Variants in CACNA1I observed in about 807,000 individuals in gnomAD.
CACNA1I encodes calcium voltage-gated channel subunit alpha1 I.
Under a neutral mutation model 201.6 loss-of-function variants are expected in CACNA1I, and 74 were observed. The ratio of observed to expected loss-of-function variants is 0.37; its 90% CI spans 0.30 to 0.45. The LOEUF (loss-of-function observed/expected upper bound fraction) is 0.45. Among genes scored for constraint, CACNA1I ranks in the 20% least tolerant of loss-of-function variants. The pLI, the probability that CACNA1I is intolerant of heterozygous loss-of-function variation, is 1.00. For synonymous variants in CACNA1I, 1,431 were observed against 1,345.2 expected (o/e 1.06, Z -1.40); for missense variants, 2,346 against 3,138.1 (o/e 0.75, Z 6.03).
chr22:39,677,437 C>T lies in CACNA1I; in HGVS notation c.4933+18C>T, dbSNP rs1569097941. The T allele has an allele frequency of 1.3e-6, 2 of 1,524,356 alleles. No individual in the cohort carries two copies. Among genetic ancestry groups the T allele is most frequent in the Non-Finnish European group, 1.8e-6 (2 of 1,131,874 alleles). 94.4% of individuals were successfully genotyped at this position (1,524,356 alleles called of 1,614,324 possible). On this transcript the variant is annotated intron_variant, in intron 30 of 36. Transcript: ENST00000402142. This position sits in a 1 kb window ranked among gnomAD's most constrained non-coding sequence, Gnocchi z 4.8. The stretch of plus-strand genomic sequence containing the variant: ...GAAGCTGGGTGAGTGACTCCCAGAG[C>T]AGGCCCGTGGTGGGGGTGCAGCAGG...
intron 26 of CACNA1I, among the ~76,000 whole-genome samples, chr22:39,671,160 C>T (rs565439573): frequency 2.0e-3 from 301 of 152,224 alleles, no homozygotes; most frequent in Non-Finnish European, 3.3e-3. Flanking sequence ...TGGAAGGGAA[C>T]GGTCAGAGGG....
intron 1 of CACNA1I, among the ~76,000 whole-genome samples, chr22:39,581,157 G>A (rs1420571978): frequency 1.3e-5 from 2 of 152,174 alleles, no homozygotes; most frequent in Non-Finnish European, 2.9e-5. Context: ...GATGCCACAG[G>A]AGCCTCCTCC....
chr22:39,590,092 C>G (rs1932804517), intron 1 of CACNA1I, among the ~76,000 whole-genome samples: 1 of 152,154 alleles, frequency 6.6e-6, no homozygotes, highest in Non-Finnish European at 1.5e-5. Flanking sequence ...GGAGAGGAGG[C>G]TGCCCTGCAG....
rs753997754 is a variant in CACNA1I at position 39,649,682 on chromosome 22, T to G, written c.1749T>G (p.Ala583=). 1.3e-6 allele frequency: 2 copies of G among 1,514,924 alleles called. No homozygotes were observed. Among genetic ancestry groups the G allele is most frequent in the South Asian group, 2.6e-5 (2 of 77,456 alleles). 93.8% of individuals were successfully genotyped at this position (1,514,924 alleles called of 1,614,324 possible). A position where few individuals can be genotyped will look rare whatever the true frequency, so the allele number is the denominator to read the frequency against. The change falls in exon 10 of 37, where the codon GCT becomes GCG. Residue 583 remains alanine, a synonymous_variant. Coordinates refer to ENST00000402142, the MANE Select transcript of CACNA1I (RefSeq NM_021096.4). The surrounding 1 kb of genome is among the most constrained non-coding windows in gnomAD (Gnocchi z 7.3). ...GQEGSGSGSS[A]GGEDEADGDG... Reference sequence around the variant, plus strand: ...AGGGCTCGGGCTCCGGGAGCTCCGCTGGTGGCGAGGACGAGGCGGATGGGG... The same window carrying G: ...AGGGCTCGGGCTCCGGGAGCTCCGCGGGTGGCGAGGACGAGGCGGATGGGG...
In CACNA1I at chr22:39,648,854, C is replaced by T. The variant is rs928613526; in HGVS notation, c.1568-647C>T. ...CCAGGCGTCTCCTGTGATTCCGGGG[C>T]AGCAAAGGGATGAAGTTCCCTCTTC... On this transcript the variant is annotated intron_variant, in intron 9 of 36. Coordinates refer to ENST00000402142, the MANE Select transcript of CACNA1I (RefSeq NM_021096.4). The surrounding 1 kb of genome is among the most constrained non-coding windows in gnomAD (Gnocchi z 5.4). Among the ~76,000 whole-genome samples, 3 of 152,070 alleles carry T rather than the reference C, an allele frequency of 2.0e-5. No homozygotes were observed. Among genetic ancestry groups the T allele is most frequent in the African/African-American group, 4.8e-5 (2 of 41,396 alleles).
At position 39,664,943 on chromosome 22, in the gene CACNA1I, G is replaced by A. The variant is rs374144412; in HGVS notation, c.3851+20G>A. On this transcript the variant is annotated intron_variant, in intron 21 of 36. Transcript: ENST00000402142. Reference sequence around the variant, plus strand: ...CCTGCGGTGAGGACCCCTCCTGGGCGGATGGGGGAAAGTGTCATGCACTGT... The same window carrying A: ...CCTGCGGTGAGGACCCCTCCTGGGCAGATGGGGGAAAGTGTCATGCACTGT... The A allele has an allele frequency of 7.4e-5, 119 of 1,607,234 alleles. No homozygotes were observed. Among genetic ancestry groups the A allele is most frequent in the Non-Finnish European group, 9.2e-5 (109 of 1,178,880 alleles).
chr22:39,619,259 G>A (rs1463326983), intron 3 of CACNA1I, 51 bp from the exon 4 acceptor site: 1 of 1,429,578 alleles, frequency 7.0e-7, no homozygotes, highest in Non-Finnish European at 9.8e-7. Context: ...CCGGGCCCTG[G>A]CCCCAGCTGG....
chr22:39,664,168 CG>C lies in CACNA1I; in HGVS notation c.3666+11del, dbSNP rs772813769. On this transcript the variant is annotated intron_variant, in intron 20 of 36. Transcript: ENST00000402142. The stretch of plus-strand genomic sequence containing the variant: ...GCGAGATGACATTGAAGGTAGCTCC[CG>C]GTTTCACCCGGGACCCCTGCTAGCC... 8.3e-5 allele frequency: 134 copies of C among 1,609,776 alleles called. No homozygotes were observed. Among genetic ancestry groups the C allele is most frequent in the Admixed American group, 1.5e-4 (9 of 59,618 alleles).
chr22:39,618,069 G>T (rs963939992), intron 3 of CACNA1I, among the ~76,000 whole-genome samples: 1 of 151,796 alleles, frequency 6.6e-6, no homozygotes, highest in African/African-American at 2.4e-5. Flanking sequence ...GTGTATGCGG[G>T]TGTGTGGTTG....
chr22:39,682,725 G>A, intron 35 of CACNA1I, 64 bp downstream of exon 35: 2 of 1,443,042 alleles, frequency 1.4e-6, no homozygotes, highest in South Asian at 2.6e-5. Flanking sequence ...TTCAGAGGGA[G>A]ATGGCTGAGT....
rs1260992921 is a variant in CACNA1I, at chr22:39,664,105, C to T, written c.3612C>T (p.Leu1204=). The change falls in exon 20 of 37, where the codon CTC becomes CTT. Residue 1204 remains leucine (L), a synonymous_variant. Transcript: ENST00000402142. Reference sequence around the variant, plus strand: ...GATGCTTTCAGGAACGCATCTTTCTCACCGTGTCCAACTACATCTTCACGG... The same window carrying T: ...GATGCTTTCAGGAACGCATCTTTCTTACCGTGTCCAACTACATCTTCACGG... ...IEAGSTERIF[L]TVSNYIFTAI... 6.2e-7 allele frequency: 1 copy of T among 1,613,616 alleles called. No individual in the cohort carries two copies. Among genetic ancestry groups the T allele is most frequent in the African/African-American group, 1.3e-5 (1 of 74,936 alleles).
rs1199046466 is a variant in CACNA1I at position 39,598,154 on chromosome 22, G to A, written c.240G>A (p.Trp80Ter). The A allele has an allele frequency of 1.3e-6, 2 of 1,593,484 alleles. No individual in the cohort carries two copies. The highest frequency in any genetic ancestry group is 2.3e-5 in the East Asian group (1 of 44,154). ...NWCIKMVCNP[W>*]FECVSMLVIL... is the part of the protein sequence containing the mutation. Reference sequence around the variant, plus strand: ...TTGTCCTTGACTTGGTGTGCACGTGGTTTGAATGTGTCAGCATGCTGGTGA... The same window carrying A: ...TTGTCCTTGACTTGGTGTGCACGTGATTTGAATGTGTCAGCATGCTGGTGA... The change falls in exon 2 of 37, where the codon TGG becomes TGA. Residue 80 changes from tryptophan to a stop codon, truncating the protein, a stop_gained. Transcript: ENST00000402142. LOFTEE classifies it high-confidence loss of function.
At chr22:39,579,228 T>G (rs772248021) in intron 1 of CACNA1I, among the ~76,000 whole-genome samples, 14 of 152,138 alleles carry the variant, frequency 9.2e-5, no homozygotes, top group Non-Finnish European at 1.5e-4. Flanking sequence ...CCCATCAGAC[T>G]CTCTGAGCAC....
At chr22:39,664,486 A>C (rs1935120458) in intron 20 of CACNA1I, among the ~76,000 whole-genome samples, 1 of 151,868 alleles carries the variant, frequency 6.6e-6, no homozygotes, top group South Asian at 2.1e-4. Flanking sequence ...TTTCAATTGG[A>C]TTTGCCAGAG....
chr22:39,636,547 C>A (rs547469718), intron 5 of CACNA1I, among the ~76,000 whole-genome samples: 2 of 152,286 alleles, frequency 1.3e-5, no homozygotes, highest in South Asian at 4.1e-4. Context: ...AGTTCACGCA[C>A]GTCTGGTGGA....
chr22:39,632,606 A>T (rs1324518324), intron 4 of CACNA1I, among the ~76,000 whole-genome samples: 1 of 152,050 alleles, frequency 6.6e-6, no homozygotes, highest in Non-Finnish European at 1.5e-5. Flanking sequence ...TTGGGGGGGT[A>T]AAAAATGGGT....
At chr22:39,631,572 G>A (rs930679021) in intron 4 of CACNA1I, among the ~76,000 whole-genome samples, 1 of 152,208 alleles carries the variant, frequency 6.6e-6, no homozygotes, top group Non-Finnish European at 1.5e-5. Flanking sequence ...GGGTTTGGCC[G>A]GGGGAAGGTG....
At position 39,685,899 on chromosome 22, in the gene CACNA1I, C is replaced by A; in HGVS notation, c.6166C>A (p.Arg2056=). ...GCCGCCCGCGCCTGCTCCAGGACCCCGGGCCGGCCTGTCCCCCGCCGCTCG... is the reference window on the plus strand; with the variant it reads ...GCCGCCCGCGCCTGCTCCAGGACCCAGGGCCGGCCTGTCCCCCGCCGCTCG... ...LGPPAPAPGP[R]AGLSPAARRR... is the part of the protein sequence containing the mutation. The change falls in exon 37 of 37, where the codon CGG becomes AGG. Residue 2056 remains arginine, a synonymous_variant. Transcript: ENST00000402142. The surrounding 1 kb of genome is among the most constrained non-coding windows in gnomAD (Gnocchi z 5.0). The A allele has an allele frequency of 1.4e-6, 2 of 1,404,674 alleles. No homozygotes were observed. Among genetic ancestry groups the A allele is most frequent in the Non-Finnish European group, 1.8e-6 (2 of 1,086,326 alleles). The allele number at this position is 1,404,674 out of a possible 1,614,324, so 87.0% of individuals were successfully genotyped here. A position where few individuals can be genotyped will look rare whatever the true frequency, so the allele number is the denominator to read the frequency against.
In CACNA1I at chr22:39,662,385, A is replaced by G. The variant is rs1474024781; in HGVS notation, c.3322A>G (p.Lys1108Glu). The change falls in exon 17 of 37, where the codon AAG becomes GAG. Residue 1108 changes from lysine (K) to glutamate (E), a missense_variant. Physicochemically the swap from Lys to Glu is moderately conservative, Grantham distance 56 (BLOSUM62 1). Around this residue, in one of 13 missense-constraint regions of CACNA1I, gnomAD observed 288 missense variants for 255.2 expected, o/e 1.13. Transcript: ENST00000402142. ...MPSIAKDVFT[K>E]MGDRGDRGED... ...CAGCATCGCCAAAGACGTCTTCACCAAGATGGGCGACCGCGGGGATCGCGG... is the reference window on the plus strand; with the variant it reads ...CAGCATCGCCAAAGACGTCTTCACCGAGATGGGCGACCGCGGGGATCGCGG... 2.0e-6 allele frequency: 3 copies of G among 1,475,972 alleles called. No homozygotes were observed. The highest frequency in any genetic ancestry group is 1.8e-6 in the Non-Finnish European group (2 of 1,121,948). The allele number at this position is 1,475,972 out of a possible 1,614,324, so 91.4% of individuals were successfully genotyped here. A position where few individuals can be genotyped will look rare whatever the true frequency, so the allele number is the denominator to read the frequency against.
Sources: allele counts gnomAD v4.1 joint callset (sites outside exome capture counted in the v4.1 genomes callset), GRCh38; gene constraint gnomAD v4.1.1; regional missense constraint gnomAD v4.1.1; non-coding constraint Gnocchi (gnomAD v3.1); transcripts MANE v1.5; gene names NCBI Gene and HGNC (gene_info 2026-07-23, HGNC 2026-07-21).